RANBP2: variants seen among roughly 807,000 people sequenced by gnomAD.
The protein encoded by RANBP2 is RAN binding protein 2, also known as E3 SUMO-protein ligase RanBP2.
RANBP2 carries 57 observed loss-of-function variants against 303.6 expected under a neutral mutation model. The ratio of observed to expected loss-of-function variants is 0.19; its 90% CI spans 0.15 to 0.23. The LOEUF (loss-of-function observed/expected upper bound fraction) is 0.23. Ranked by LOEUF, RANBP2 falls within the 10% of genes least tolerant of loss-of-function variation. RANBP2 has a pLI of 1.00. For missense variants in RANBP2, 3,138 were observed against 3,780.8 expected, an observed-to-expected ratio of 0.83 and a Z score of 4.46; for synonymous variants, 1,167 against 1,301.5, an observed-to-expected ratio of 0.90 and a Z score of 2.23.
the RANBP2 span, among the ~76,000 whole-genome samples, chr2:109,067,971 G>A: frequency 2.6e-5 from 4 of 152,176 alleles, no homozygotes; most frequent in African/African-American, 4.8e-5. Context: ...CTGCTCTGGG[G>A]ACTTTGCTCT....
the RANBP2 span, among the ~76,000 whole-genome samples, chr2:109,524,386 G>A: frequency 7.0e-6 from 1 of 143,646 alleles, no homozygotes; most frequent in South Asian, 2.3e-4. Context: ...GCCATAACAC[G>A]CTCTGTGAAT....
At chr2:108,962,463 G>A in the RANBP2 span, among the ~76,000 whole-genome samples, 1 of 152,014 alleles carries the variant, frequency 6.6e-6, no homozygotes, top group Non-Finnish European at 1.5e-5. Context: ...CATGAGGTCA[G>A]GAGATCGAGA....
chr2:108,873,657 T>TAAAACCCC, the RANBP2 span: 1 of 1,136,834 alleles, frequency 8.8e-7, no homozygotes, highest in Non-Finnish European at 1.2e-6. Context: ...AAACCAGGGG[T>TAAAACCCC]TTTAATCTTT....
At chr2:109,458,429 G>A in the RANBP2 span, among the ~76,000 whole-genome samples, 1 of 152,018 alleles carries the variant, frequency 6.6e-6, no homozygotes, top group Non-Finnish European at 1.5e-5. Flanking sequence ...TCACTTTAAG[G>A]TCACCTTACA....
chr2:109,544,575 C>G, the RANBP2 span: 3 of 977,900 alleles, frequency 3.1e-6, no homozygotes, highest in Non-Finnish European at 2.4e-6. Context: ...ATAATTTTTA[C>G]AAGGTAAATG....
intron 15 of RANBP2, among the ~76,000 whole-genome samples, chr2:108,754,406 CA>C (rs1676140704): frequency 6.6e-6 from 1 of 151,208 alleles, no homozygotes; most frequent in Non-Finnish European, 1.5e-5. Context: ...TTGAGATTGT[CA>C]TGATGATGTT....
the RANBP2 span, among the ~76,000 whole-genome samples, chr2:109,282,316 C>T: frequency 1.3e-5 from 2 of 151,914 alleles, no homozygotes; most frequent in East Asian, 1.9e-4. Flanking sequence ...ATAATTGGTG[C>T]AAGTTGTCTG....
chr2:109,005,966 G>A, the RANBP2 span, among the ~76,000 whole-genome samples: 3 of 152,150 alleles, frequency 2.0e-5, no homozygotes, highest in Non-Finnish European at 4.4e-5. Flanking sequence ...GAAAAGAGGA[G>A]AGGAAGCACA....
the RANBP2 span, among the ~76,000 whole-genome samples, chr2:109,629,138 G>A: frequency 6.6e-6 from 1 of 151,206 alleles, no homozygotes; most frequent in African/African-American, 2.4e-5. Context: ...GGAGACGGAT[G>A]TTGCAGTGAG....
the RANBP2 span, among the ~76,000 whole-genome samples, chr2:109,677,967 G>A: frequency 6.6e-6 from 1 of 152,224 alleles, no homozygotes; most frequent in African/African-American, 2.4e-5. Flanking sequence ...AAGAGTGAAT[G>A]CCTGTGACCA....
the RANBP2 span, among the ~76,000 whole-genome samples, chr2:109,520,024 C>G: frequency 6.6e-6 from 1 of 152,166 alleles, no homozygotes; most frequent in African/African-American, 2.4e-5. Flanking sequence ...AAATAAATAC[C>G]GGTGTGCACG....
At chr2:108,885,940 T>G in the RANBP2 span, among the ~76,000 whole-genome samples, 3 of 152,242 alleles carry the variant, frequency 2.0e-5, no homozygotes, top group Admixed American at 6.5e-5. Context: ...ATGACATGAC[T>G]TCATTCTTTT....
chr2:109,019,599 C>T, the RANBP2 span, among the ~76,000 whole-genome samples: 2 of 152,114 alleles, frequency 1.3e-5, no homozygotes, highest in African/African-American at 2.4e-5. Flanking sequence ...TGATCTTAAG[C>T]GACCGCTTAA....
the RANBP2 span, among the ~76,000 whole-genome samples, chr2:109,197,898 C>G: frequency 6.6e-6 from 1 of 152,228 alleles, no homozygotes. Flanking sequence ...CCTTTTGCAT[C>G]AAATCCCACA....
chr2:109,229,853 C>T, the RANBP2 span, among the ~76,000 whole-genome samples: 1 of 141,310 alleles, frequency 7.1e-6, no homozygotes, highest in Non-Finnish European at 1.5e-5. Flanking sequence ...GAGGCGGAGT[C>T]TCGCTCTGTT....
At chr2:109,096,911 C>T in the RANBP2 span, among the ~76,000 whole-genome samples, 7 of 151,640 alleles carry the variant, frequency 4.6e-5, no homozygotes, top group African/African-American at 9.7e-5. Context: ...TGACTCTGCA[C>T]GAGACTCAGC....
chr2:109,679,624 C>G, the RANBP2 span, among the ~76,000 whole-genome samples: 124 of 152,308 alleles, frequency 8.1e-4, no homozygotes, highest in Non-Finnish European at 1.1e-3. Flanking sequence ...TCTCTGGTTA[C>G]TTGGCTTCAA....
At chr2:109,614,873 T>C in the RANBP2 span, 5 of 1,417,822 alleles carry the variant, frequency 3.5e-6, no homozygotes, top group Non-Finnish European at 2.7e-6. Flanking sequence ...AGTCGCTCCC[T>C]GGACAGGGCC....
At chr2:108,930,216 C>T in the RANBP2 span, 130 of 1,614,106 alleles carry the variant, frequency 8.1e-5, no homozygotes, top group Middle Eastern at 6.6e-4. Context: ...TTGAGTATTC[C>T]GCTCGGGCTG....
Sources: gnomAD v4.1 joint callset for allele counts (sites outside exome capture counted in the v4.1 genomes callset) on GRCh38, gnomAD v4.1.1 for gene constraint, MANE v1.5 for transcripts, NCBI Gene and HGNC (gene_info 2026-07-23, HGNC 2026-07-21) for gene names.